Variants in TNIP3 observed in about 807,000 individuals in gnomAD.
TNIP3 encodes TNFAIP3 interacting protein 3, also known as TNFAIP3-interacting protein 3.
TNIP3 carries 34 observed loss-of-function variants against 54.1 expected under a neutral mutation model. That is an observed-to-expected ratio of 0.63 (90% confidence interval 0.48 to 0.84). TNIP3 has a LOEUF of 0.84. Ranked by LOEUF, TNIP3 falls within the 40% of genes least tolerant of loss-of-function variation. The pLI is 0.00. For synonymous variants in TNIP3, 134 were observed against 136.8 expected (o/e 0.98, Z 0.14); for missense variants, 366 against 387.6 (o/e 0.94, Z 0.47).
At chr4:121,178,447 A>G (rs543000663) in intron 3 of TNIP3, among the ~76,000 whole-genome samples, 1 of 152,336 alleles carries the variant, frequency 6.6e-6, no homozygotes, top group South Asian at 2.1e-4. Flanking sequence ...CTCAGTCGCA[A>G]GAGCAATAGT....
At chr4:121,163,981 T>G in intron 1 of TNIP3, 79 bp downstream of exon 1, 1 of 1,514,084 alleles carries the variant, frequency 6.6e-7, no homozygotes, top group Non-Finnish European at 9.0e-7. Context: ...CTGTTCTTAT[T>G]AATAAGTGCA....
upstream of TNIP3, among the ~76,000 whole-genome samples, chr4:121,217,825 C>T (rs1579510674): frequency 1.3e-5 from 2 of 151,986 alleles, no homozygotes; most frequent in African/African-American, 4.8e-5. Context: ...CAAAAATTAC[C>T]GTTAAAATGC....
chr4:121,217,946 T>C (rs1413617436), upstream of TNIP3, among the ~76,000 whole-genome samples: 6 of 152,114 alleles, frequency 3.9e-5, no homozygotes, highest in Non-Finnish European at 8.8e-5. Flanking sequence ...CATTTTACAG[T>C]AGAGGAAACA....
Position 121,164,168 on chromosome 4 carries a change from CAG to C in TNIP3, c.-45_-44del, listed in dbSNP as rs1354194707. 7 of 1,612,514 alleles carry C rather than the reference CAG, an allele frequency of 4.3e-6. No individual in the cohort carries two copies. The highest frequency in any genetic ancestry group is 1.7e-5 in the Admixed American group (1 of 59,888). ...GAGTCTTGGAAAGCAGAAAGAAAAA[CAG>C]GGGAAAAGTCTCTTAAGGTATATTT... On this transcript the variant is annotated 5_prime_UTR_variant, in exon 1 of 11. Transcript: ENST00000057513.
chr4:121,184,927 T>A (rs1007873282), intron 2 of TNIP3, among the ~76,000 whole-genome samples: 5 of 152,212 alleles, frequency 3.3e-5, no homozygotes, highest in Non-Finnish European at 7.3e-5. Context: ...AGTAACTGCC[T>A]TAAATCCTTC....
intron 8 of TNIP3, 61 bp from the exon 9 acceptor site, chr4:121,141,975 A>G: frequency 1.7e-6 from 2 of 1,176,908 alleles, no homozygotes; most frequent in Non-Finnish European, 2.4e-6. Flanking sequence ...TTGCAGTGAC[A>G]TTGCTTTATA....
At chr4:121,133,183 G>C (rs1490324544) in intron 10 of TNIP3, among the ~76,000 whole-genome samples, 1 of 152,066 alleles carries the variant, frequency 6.6e-6, no homozygotes, top group African/African-American at 2.4e-5. Flanking sequence ...CTACATGAAA[G>C]ACAAAGTCAA....
chr4:121,204,716 AT>A (rs1472255308), intron 2 of TNIP3, among the ~76,000 whole-genome samples: 1 of 152,194 alleles, frequency 6.6e-6, no homozygotes, highest in Non-Finnish European at 1.5e-5. Context: ...TATAGAATAG[AT>A]TTACCAACGT....
upstream of TNIP3, among the ~76,000 whole-genome samples, chr4:121,167,662 A>T (rs561147004): frequency 4.3e-4 from 66 of 152,238 alleles, no homozygotes; most frequent in Admixed American, 3.5e-3. Context: ...CTTTGGGCAA[A>T]GGAATTACAT....
chr4:121,218,447 A>G (rs1726893061), upstream of TNIP3, among the ~76,000 whole-genome samples: 1 of 152,160 alleles, frequency 6.6e-6, no homozygotes, highest in Admixed American at 6.5e-5. Flanking sequence ...CAGGAAGTAA[A>G]AATATTAACC....
chr4:121,179,709 T>A (rs9992473), intron 3 of TNIP3, among the ~76,000 whole-genome samples: 1 of 151,770 alleles, frequency 6.6e-6, no homozygotes, highest in African/African-American at 2.4e-5. Context: ...TGGTGCCACC[T>A]GAGTGGTGCA....
chr4:121,222,854 A>G (rs545297211), intron 1 of TNIP3, among the ~76,000 whole-genome samples: 88 of 127,096 alleles, frequency 6.9e-4, no homozygotes, highest in Non-Finnish European at 1.0e-3. Context: ...CACCCAGGCT[A>G]GAGTGCAGTG....
chr4:121,148,635 T>C (rs1181015183), intron 6 of TNIP3, among the ~76,000 whole-genome samples: 1 of 152,220 alleles, frequency 6.6e-6, no homozygotes, highest in African/African-American at 2.4e-5. Flanking sequence ...CAGCTATGTA[T>C]TTTACCCTGA....
At chr4:121,154,496 A>C (rs753885623) in intron 5 of TNIP3, 55 bp downstream of exon 5, 1 of 1,604,706 alleles carries the variant, frequency 6.2e-7, no homozygotes, top group Admixed American at 1.7e-5. Flanking sequence ...GTCAGTAAGA[A>C]TGTTTTATGC....
At chr4:121,157,685 A>T (rs2148812576) in intron 3 of TNIP3, among the ~76,000 whole-genome samples, 1 of 152,170 alleles carries the variant, frequency 6.6e-6, no homozygotes, top group African/African-American at 2.4e-5. Context: ...GCAGCACTTG[A>T]CCTCCTACTA....
At chr4:121,150,955 G>C (rs1004750906) in intron 5 of TNIP3, among the ~76,000 whole-genome samples, 3 of 152,190 alleles carry the variant, frequency 2.0e-5, no homozygotes, top group Admixed American at 2.0e-4. Context: ...GACATGAGGA[G>C]AGGAAAGAAA....
At chr4:121,144,649 G>A (rs992514600) in intron 7 of TNIP3, among the ~76,000 whole-genome samples, 29 of 152,186 alleles carry the variant, frequency 1.9e-4, no homozygotes, top group South Asian at 4.1e-4. Flanking sequence ...TGATCTGCCC[G>A]CCTTGGCCTC....
chr4:121,132,835 G>A (rs929051589), intron 10 of TNIP3, among the ~76,000 whole-genome samples, 173 bp from the exon 11 acceptor site: 2 of 152,042 alleles, frequency 1.3e-5, no homozygotes, highest in African/African-American at 4.8e-5. Flanking sequence ...GAGATGGAGG[G>A]TTATTATTTT....
chr4:121,160,086 T>A (rs1730355401), intron 2 of TNIP3, among the ~76,000 whole-genome samples: 1 of 152,200 alleles, frequency 6.6e-6, no homozygotes, highest in Non-Finnish European at 1.5e-5. Context: ...CATCGTTCAA[T>A]AATTTTCCAG....
Sources: allele counts gnomAD v4.1 joint callset (sites outside exome capture counted in the v4.1 genomes callset), GRCh38; gene constraint gnomAD v4.1.1; transcripts MANE v1.5; gene names NCBI Gene and HGNC (gene_info 2026-07-23, HGNC 2026-07-21).